BLOC1S6: variants seen among roughly 807,000 people sequenced by gnomAD.
The protein encoded by BLOC1S6 is biogenesis of lysosome-related organelles complex 1 subunit 6.
BLOC1S6 carries 24 observed loss-of-function variants against 24.7 expected under a neutral mutation model. That is an observed-to-expected ratio of 0.97 (90% CI 0.70 to 1.37). BLOC1S6 has a LOEUF of 1.37. Among genes scored for constraint, BLOC1S6 ranks in the 40% most tolerant of loss-of-function variants. BLOC1S6 has a pLI of 0.00. For synonymous variants in BLOC1S6, 76 were observed against 72.6 expected (o/e 1.05, Z -0.23); for missense variants, 175 against 196.2 (o/e 0.89, Z 0.64).
chr15:45,605,747 A>G (rs927051277), intron 4 of BLOC1S6: 9 of 427,592 alleles, frequency 2.1e-5, no homozygotes, highest in Middle Eastern at 7.3e-4. Context: ...CCGCCACCAC[A>G]CCCACCTAAT....
chr15:45,605,348 A>G (rs917438546), intron 3 of BLOC1S6, 80 bp from the exon 4 acceptor site: 1 of 1,151,702 alleles, frequency 8.7e-7, no homozygotes, highest in African/African-American at 1.6e-5. Flanking sequence ...ACAAACTATC[A>G]TTTATATATT....
At chr15:45,591,539 C>T (rs1366203087) in intron 1 of BLOC1S6, among the ~76,000 whole-genome samples, 1 of 151,922 alleles carries the variant, frequency 6.6e-6, no homozygotes, top group Admixed American at 6.6e-5. Flanking sequence ...CTCAAGTTAT[C>T]CTCCCACCTC....
intron 1 of BLOC1S6, among the ~76,000 whole-genome samples, chr15:45,589,303 A>G (rs1308909504): frequency 6.6e-6 from 1 of 152,224 alleles, no homozygotes; most frequent in African/African-American, 2.4e-5. Context: ...CGCAAAGACA[A>G]TTTCTGGAAG....
At position 45,608,964 on chromosome 15, in the gene BLOC1S6, C is replaced by T. The variant is rs906521228; in HGVS notation, c.*2450C>T. 1 of 152,030 alleles carries T rather than the reference C, an allele frequency of 6.6e-6. No homozygotes were observed. Among genetic ancestry groups the T allele is most frequent in the African/African-American group, 2.4e-5 (1 of 41,396 alleles). The allele number at this position is 152,030 out of a possible 1,614,324, so 9.4% of individuals were successfully genotyped here. On this transcript the variant is annotated 3_prime_UTR_variant, in exon 5 of 5. Coordinates refer to ENST00000220531, the MANE Select transcript of BLOC1S6 (RefSeq NM_012388.4). ...TGGTTAGCTAATTGAACTTTTGTGACCTGTTTAAAAACAAATCAAATTTAT... is the reference window on the plus strand; with the variant it reads ...TGGTTAGCTAATTGAACTTTTGTGATCTGTTTAAAAACAAATCAAATTTAT...
At chr15:45,592,377 C>T (rs945526996) in intron 2 of BLOC1S6, 101 bp downstream of exon 2, 15 of 1,372,354 alleles carry the variant, frequency 1.1e-5, no homozygotes, top group Non-Finnish European at 1.5e-5. Flanking sequence ...TTTTAACATG[C>T]AATTATAATT....
chr15:45,597,802 C>A, intron 2 of BLOC1S6: 1 of 223,324 alleles, frequency 4.5e-6, no homozygotes, highest in Non-Finnish European at 9.6e-6. Flanking sequence ...AGGAAATCAT[C>A]TGGGAACAAA....
intron 1 of BLOC1S6, 161 bp downstream of exon 1, chr15:45,587,686 C>G (rs893760097): frequency 2.6e-6 from 2 of 757,022 alleles, no homozygotes; most frequent in Non-Finnish European, 4.6e-6. Context: ...GCGCCGGCCC[C>G]TCTGCCCAGC....
chr15:45,606,434 G>A lies in BLOC1S6; in HGVS notation c.439G>A (p.Glu147Lys). 3.1e-6 allele frequency: 5 copies of A among 1,614,046 alleles called. No individual in the cohort carries two copies. Among genetic ancestry groups the A allele is most frequent in the Non-Finnish European group, 4.2e-6 (5 of 1,180,016 alleles). Residue 147 changes from glutamate (E) to lysine (K), a missense_variant, in exon 5 of 5, where the codon GAG becomes AAG. Physicochemically the swap from Glu to Lys is moderately conservative, Grantham distance 56. Coordinates refer to ENST00000220531, the MANE Select transcript of BLOC1S6 (RefSeq NM_012388.4). ...ACTGCAGCAGAAGAGGCAAAAAGAA[G>A]AGTTGGAAAGGGAGCAGCAACGAGA... ...LKLQQKRQKE[E>K]LEREQQREKE...
rs766946085 is a variant in BLOC1S6 at position 45,606,787 on chromosome 15, TTG to T, written c.*276_*277del. 1.6e-5 allele frequency: 7 copies of T among 427,082 alleles called. No homozygotes were observed. Among genetic ancestry groups the T allele is most frequent in the Non-Finnish European group, 2.9e-5 (7 of 241,196 alleles). 26.5% of individuals were successfully genotyped at this position (427,082 alleles called of 1,614,324 possible). A position where few individuals can be genotyped will look rare whatever the true frequency, so the allele number is the denominator to read the frequency against. The stretch of plus-strand genomic sequence containing the variant: ...TATAAACTGGAAAGTGGTTTGATTA[TTG>T]TGAGTCAAAACTCTAAGTGGTTAAA... On this transcript the variant is annotated 3_prime_UTR_variant, in exon 5 of 5. Coordinates refer to ENST00000220531, the MANE Select transcript of BLOC1S6 (RefSeq NM_012388.4).
intron 4 of BLOC1S6, 31 bp downstream of exon 4, chr15:45,605,545 A>G: frequency 2.0e-6 from 3 of 1,475,074 alleles, no homozygotes; most frequent in African/African-American, 2.8e-5. Flanking sequence ...CATTCTTTAC[A>G]AAAGTAGAGG....
chr15:45,591,712 C>A lies in BLOC1S6; in HGVS notation c.83-423C>A, dbSNP rs778486283. On this transcript the variant is annotated intron_variant, in intron 1 of 4. Coordinates refer to ENST00000220531, the MANE Select transcript of BLOC1S6 (RefSeq NM_012388.4). Reference sequence around the variant, plus strand: ...TGATAATCCAGTGAAAACTATAAGTCCTCTGCCCTGAAAAATATATAAAGA... The same window carrying A: ...TGATAATCCAGTGAAAACTATAAGTACTCTGCCCTGAAAAATATATAAAGA... Among the ~76,000 whole-genome samples, 4 of 152,304 alleles carry A rather than the reference C, an allele frequency of 2.6e-5. No individual in the cohort carries two copies. In the South Asian group the frequency reaches 8.3e-4, roughly 32 times the overall value.
Position 45,591,587 on chromosome 15 carries a change from C to T in BLOC1S6, c.83-548C>T, listed in dbSNP as rs900085589. The stretch of plus-strand genomic sequence containing the variant: ...AGCTGGGACCACAGGTGTGTGCCAC[C>T]GTGCCCAGCCATTCTGGGCTTGAGC... On this transcript the variant is annotated intron_variant, in intron 1 of 4. Transcript: ENST00000220531. 5.9e-5 allele frequency among the ~76,000 whole-genome samples: 9 copies of T among 152,240 alleles called. No individual in the cohort carries two copies. In the South Asian group the frequency reaches 8.3e-4, roughly 14 times the overall value.
At chr15:45,587,364 G>A, upstream of BLOC1S6, 1 of 1,368,368 alleles carries the variant, frequency 7.3e-7, no homozygotes, top group East Asian at 2.5e-5. Flanking sequence ...TGTCCGGCCA[G>A]CCGCTGGAGT....
intron 2 of BLOC1S6, 88 bp downstream of exon 2, chr15:45,592,364 A>G: frequency 6.8e-7 from 1 of 1,466,814 alleles, no homozygotes; most frequent in Non-Finnish European, 9.4e-7. Context: ...AAGACATAAT[A>G]TTTTTTAACA....
rs979419952 is a variant in BLOC1S6 at position 45,587,440 on chromosome 15, G to A, written c.-4G>A. 6.3e-7 allele frequency: 1 copy of A among 1,575,270 alleles called. No homozygotes were observed. Among genetic ancestry groups the A allele is most frequent in the Non-Finnish European group, 8.6e-7 (1 of 1,159,674 alleles). ...TTCTTCCCTGTGTTCCCAGCTGGAG[G>A]GACATGAGTGTCCCTGGGCCGTCGT... On this transcript the variant is annotated 5_prime_UTR_variant, in exon 1 of 5. Transcript: ENST00000220531.
chr15:45,592,100 A>G (rs1187659590), intron 1 of BLOC1S6, 35 bp from the exon 2 acceptor site: 1 of 1,611,558 alleles, frequency 6.2e-7, no homozygotes, highest in Non-Finnish European at 8.5e-7. Flanking sequence ...TAAAATAAAT[A>G]AAAGGTTCCT....
In BLOC1S6 at chr15:45,593,386, G is replaced by GAAAA. The variant is rs59495378; in HGVS notation, c.224+1129_224+1132dup. ...GGTGACAGAGTGAGACTCTGTCTCC[G>GAAAA]AAAAAAAAAAAAAAAAAAAAAAGTG... On this transcript the variant is annotated intron_variant, in intron 2 of 4. Transcript: ENST00000220531. Among the ~76,000 whole-genome samples the GAAAA allele has an allele frequency of 3.3e-4, 21 of 63,328 alleles. 1 individual carries two copies. Among genetic ancestry groups the GAAAA allele is most frequent in the South Asian group, 6.8e-4 (1 of 1,478 alleles). 41.5% of individuals were successfully genotyped at this position (63,328 alleles called of 152,430 possible).
chr15:45,606,581 G>A lies in BLOC1S6; in HGVS notation c.*67G>A. 6.2e-7 allele frequency: 1 copy of A among 1,606,032 alleles called. No homozygotes were observed. Among genetic ancestry groups the A allele is most frequent in the Admixed American group, 1.7e-5 (1 of 60,002 alleles). On this transcript the variant is annotated 3_prime_UTR_variant, in exon 5 of 5. Transcript: ENST00000220531. ...GGTTATGATGACTCAAGTGTAGACT[G>A]AAGTTGAGGTAGTGCCTTATGCCAT...
intron 2 of BLOC1S6, among the ~76,000 whole-genome samples, chr15:45,595,592 C>G (rs1436306233): frequency 3.3e-5 from 5 of 151,998 alleles, no homozygotes; most frequent in Non-Finnish European, 7.4e-5. Flanking sequence ...ACTCTCTTTA[C>G]AGTGTCTTTT....
Sources: allele counts gnomAD v4.1 joint callset (sites outside exome capture counted in the v4.1 genomes callset), GRCh38; gene constraint gnomAD v4.1.1; transcripts MANE v1.5; gene names NCBI Gene and HGNC (gene_info 2026-07-23, HGNC 2026-07-21).